The following CSMD1 variants were observed in gnomAD, a reference collection of about 807,000 sequenced individuals.
The protein encoded by CSMD1 is CUB and sushi domain-containing protein 1.
A neutral mutation model predicts 417.5 loss-of-function variants in CSMD1; 213 were observed. That is an observed-to-expected ratio of 0.51 (90% CI 0.46 to 0.57). The LOEUF (loss-of-function observed/expected upper bound fraction) is 0.57, where lower values mean the gene tolerates loss of function less well. Among genes scored for constraint, CSMD1 ranks in the 20% least tolerant of loss-of-function variants. The pLI, the probability that CSMD1 is intolerant of heterozygous loss-of-function variation, is 0.00. For synonymous variants in CSMD1, 2,862 were observed against 1,736.8 expected (o/e 1.65, Z -16.11); for missense variants, 6,923 against 4,529.7 (o/e 1.53, Z -15.17).
intron 4 of CSMD1, among the ~76,000 whole-genome samples, chr8:4,012,035 A>C (rs1213542386): frequency 6.6e-6 from 1 of 152,140 alleles, no homozygotes; most frequent in Non-Finnish European, 1.5e-5. Context: ...GGAAAAAAAA[A>C]GTCAGTACAT....
intron 3 of CSMD1, among the ~76,000 whole-genome samples, chr8:4,045,029 G>A (rs1176251884): frequency 6.6e-6 from 1 of 152,208 alleles, no homozygotes. Flanking sequence ...GAATCTTCCA[G>A]TTTTACAAAG....
chr8:4,283,305 T>C (rs1047267947), intron 3 of CSMD1, among the ~76,000 whole-genome samples: 7 of 152,340 alleles, frequency 4.6e-5, no homozygotes, highest in East Asian at 1.9e-4. Context: ...ATTTTGTTTA[T>C]TGATTTGTAG....
chr8:4,215,146 G>A (rs1285369908), intron 3 of CSMD1, among the ~76,000 whole-genome samples: 1 of 152,152 alleles, frequency 6.6e-6, no homozygotes, highest in African/African-American at 2.4e-5. Context: ...TAGGGAGAGG[G>A]GACGCATCCC....
At chr8:3,303,384 G>T (rs965224939) in intron 25 of CSMD1, among the ~76,000 whole-genome samples, 3 of 152,192 alleles carry the variant, frequency 2.0e-5, no homozygotes, top group African/African-American at 4.8e-5. Flanking sequence ...AGAAAATCCA[G>T]GTCAGGACAG....
intron 1 of CSMD1, among the ~76,000 whole-genome samples, chr8:4,894,027 C>T (rs1430791156): frequency 2.0e-5 from 3 of 152,034 alleles, no homozygotes; most frequent in African/African-American, 7.2e-5. Context: ...TGGATTTTCT[C>T]TTTGATTTAT....
chr8:4,123,965 A>C (rs559134858), intron 3 of CSMD1, among the ~76,000 whole-genome samples: 1 of 152,230 alleles, frequency 6.6e-6, no homozygotes, highest in Non-Finnish European at 1.5e-5. Flanking sequence ...GCTGGAAAAA[A>C]GTTTCTGATG....
At chr8:4,725,922 G>T (rs1013634350) in intron 1 of CSMD1, among the ~76,000 whole-genome samples, 1 of 152,064 alleles carries the variant, frequency 6.6e-6, no homozygotes, top group Non-Finnish European at 1.5e-5. Flanking sequence ...GGGTTACTTT[G>T]ACACTCTCCA....
chr8:4,484,152 G>T (rs1284926129), intron 2 of CSMD1, among the ~76,000 whole-genome samples: 1 of 151,358 alleles, frequency 6.6e-6, no homozygotes, highest in East Asian at 1.9e-4. Context: ...ATTTGTGGAG[G>T]CCGCTTCCCT....
chr8:3,673,409 G>C (rs1054418854), intron 7 of CSMD1, among the ~76,000 whole-genome samples: 1 of 152,208 alleles, frequency 6.6e-6, no homozygotes, highest in African/African-American at 2.4e-5. Flanking sequence ...AGTATTTGAA[G>C]ACGTAGCATC....
At chr8:3,884,226 A>C (rs2129122992) in intron 5 of CSMD1, among the ~76,000 whole-genome samples, 1 of 152,338 alleles carries the variant, frequency 6.6e-6, no homozygotes, top group East Asian at 1.9e-4. Flanking sequence ...GCCTTCCATT[A>C]TCCTTTGATA....
At chr8:4,692,304 T>A (rs866624457) in intron 1 of CSMD1, among the ~76,000 whole-genome samples, 6 of 151,920 alleles carry the variant, frequency 3.9e-5, no homozygotes, top group African/African-American at 1.5e-4. Flanking sequence ...AGAAACTCAT[T>A]AAAGGAAATT....
intron 1 of CSMD1, among the ~76,000 whole-genome samples, chr8:4,763,351 T>C (rs1812241273): frequency 6.6e-6 from 1 of 152,226 alleles, no homozygotes; most frequent in East Asian, 1.9e-4. Context: ...CAAGATTTCC[T>C]ATTGCATTCA....
At chr8:4,841,930 A>AAAAAAAAAAACAAAACAAAAC (rs1192383183) in intron 1 of CSMD1, among the ~76,000 whole-genome samples, 3 of 122,484 alleles carry the variant, frequency 2.4e-5, no homozygotes, top group East Asian at 2.8e-4. Flanking sequence ...AAAAAAAAAA[A>AAAAAAAAAAACAAAACAAAAC]AAAAAAAAGT....
rs536484670 is a variant in CSMD1, at chr8:4,859,593, G to A, written c.85+134739C>T. ...AAACAAACAACCCCATCAAAAAGTG[G>A]GCGAAGGACATGAACAGACACTTCT... On this transcript the variant is annotated intron_variant, in intron 1 of 69. Transcript: ENST00000635120. Among the ~76,000 whole-genome samples, 4 of 152,032 alleles carry A rather than the reference G, an allele frequency of 2.6e-5. No homozygotes were observed. In the East Asian group the frequency reaches 7.7e-4, roughly 29 times the overall value.
intron 3 of CSMD1, among the ~76,000 whole-genome samples, chr8:4,203,182 C>T (rs575107809): frequency 1.3e-5 from 2 of 152,268 alleles, no homozygotes; most frequent in South Asian, 2.1e-4. Context: ...TTTAAAAAAT[C>T]GTCAGTGAGA....
intron 2 of CSMD1, among the ~76,000 whole-genome samples, chr8:4,518,327 G>C (rs1463175828): frequency 1.3e-5 from 2 of 151,920 alleles, no homozygotes; most frequent in Admixed American, 6.6e-5. Flanking sequence ...CCATCTTCAG[G>C]ATAAAAGATT....
chr8:2,995,394 C>T (rs1222141449), intron 54 of CSMD1, among the ~76,000 whole-genome samples: 3 of 152,274 alleles, frequency 2.0e-5, no homozygotes, highest in Non-Finnish European at 4.4e-5. Context: ...AGTGACCGCA[C>T]CGAATGCTGG....
chr8:3,549,377 G>T (rs75639158), intron 10 of CSMD1, among the ~76,000 whole-genome samples: 5 of 152,142 alleles, frequency 3.3e-5, no homozygotes, highest in African/African-American at 1.2e-4. Flanking sequence ...GACAGATCTA[G>T]GCCTTATTCT....
chr8:2,951,477 C>T (rs1007154664), intron 65 of CSMD1, among the ~76,000 whole-genome samples: 3 of 152,154 alleles, frequency 2.0e-5, no homozygotes, highest in African/African-American at 7.2e-5. Context: ...TTATGGTATG[C>T]AAGTAGACAC....
Sources: allele counts gnomAD v4.1 joint callset (sites outside exome capture counted in the v4.1 genomes callset), GRCh38; gene constraint gnomAD v4.1.1; transcripts MANE v1.5; gene names NCBI Gene and HGNC (gene_info 2026-07-23, HGNC 2026-07-21).